The following USP28 variants were observed in gnomAD, a reference collection of about 807,000 sequenced individuals.
USP28 encodes ubiquitin specific peptidase 28, also known as ubiquitin carboxyl-terminal hydrolase 28.
In USP28, 113 loss-of-function variants were observed where a neutral mutation model predicts 145.0. That is an observed-to-expected ratio of 0.78 (90% CI 0.67 to 0.91). USP28 has a LOEUF of 0.91. Ranked by LOEUF, USP28 falls within the 40% of genes least tolerant of loss-of-function variation. The pLI, the probability that USP28 is intolerant of heterozygous loss-of-function variation, is 0.00. For synonymous variants in USP28, 447 were observed against 450.9 expected (o/e 0.99, Z 0.11); for missense variants, 1,201 against 1,289.6 (o/e 0.93, Z 1.05).
chr11:113,817,511 A>G (rs1001259505), intron 13 of USP28, 147 bp downstream of exon 13: 26 of 902,032 alleles, frequency 2.9e-5, no homozygotes, highest in Middle Eastern at 6.7e-4. Flanking sequence ...CCCAAGTGAC[A>G]GTCAGCAAAA....
chr11:113,868,437 A>G (rs150504413), intron 1 of USP28, among the ~76,000 whole-genome samples: 36 of 152,346 alleles, frequency 2.4e-4, no homozygotes, highest in African/African-American at 8.4e-4. Context: ...AAAGTGCTAC[A>G]TAGTCAAGTG....
At chr11:113,840,293 C>G (rs548914983) in intron 5 of USP28, among the ~76,000 whole-genome samples, 36 of 151,908 alleles carry the variant, frequency 2.4e-4, no homozygotes, top group Middle Eastern at 3.4e-3. Context: ...TGTCGCCTAC[C>G]TGGATAGCTA....
chr11:113,804,441 G>A (rs1235104312), intron 21 of USP28, among the ~76,000 whole-genome samples: 1 of 152,164 alleles, frequency 6.6e-6, no homozygotes, highest in Non-Finnish European at 1.5e-5. Context: ...GGCTAAAATA[G>A]GTATTTAAGG....
At chr11:113,844,294 A>G (rs1211114911) in intron 3 of USP28, among the ~76,000 whole-genome samples, 1 of 152,018 alleles carries the variant, frequency 6.6e-6, no homozygotes, top group East Asian at 1.9e-4. Context: ...CAAAAAAATT[A>G]GCCGGGCGTG....
intron 1 of USP28, chr11:113,859,565 T>TTAG: frequency 6.6e-6 from 1 of 151,932 alleles, no homozygotes; most frequent in Non-Finnish European, 1.5e-5. Flanking sequence ...TAGCTAAAGT[T>TTAG]CTTAACAGAA....
intron 5 of USP28, among the ~76,000 whole-genome samples, chr11:113,837,028 C>G (rs1187696808): frequency 2.6e-5 from 4 of 152,182 alleles, no homozygotes; most frequent in Non-Finnish European, 5.9e-5. Context: ...CCTTCCCCAC[C>G]ACAGTGAGGC....
In USP28 at chr11:113,815,681, G is replaced by T. The variant is rs569491364; in HGVS notation, c.1464-299C>A. 2.6e-5 allele frequency among the ~76,000 whole-genome samples: 4 copies of T among 152,196 alleles called. No homozygotes were observed. The South Asian group carries it at 6.2e-4, about 24-fold the overall frequency. Reference sequence around the variant, plus strand: ...ATGAAAATGAATCCAAAGCCAGATCGGCCAGTCTTTAGCTCATGTTCTCTG... The same window carrying T: ...ATGAAAATGAATCCAAAGCCAGATCTGCCAGTCTTTAGCTCATGTTCTCTG... On this transcript the variant is annotated intron_variant, in intron 13 of 24. Coordinates refer to ENST00000003302, the Ensembl canonical transcript of USP28.
chr11:113,868,160 T>G (rs1483079615), intron 1 of USP28, among the ~76,000 whole-genome samples: 1 of 152,190 alleles, frequency 6.6e-6, no homozygotes, highest in African/African-American at 2.4e-5. Context: ...ACCAAAAGCT[T>G]TGACAGCCCT....
At chr11:113,852,523 A>G in exon 3 of USP28, 1 of 1,614,208 alleles carries the variant, frequency 6.2e-7, no homozygotes, top group Non-Finnish European at 8.5e-7. Context: ...CCTTGTTGGC[A>G]GCACTCCCCT....
intron 12 of USP28, 21 bp downstream of exon 12, chr11:113,823,584 A>G (rs2074425708): frequency 6.5e-7 from 1 of 1,530,286 alleles, no homozygotes; most frequent in Non-Finnish European, 9.0e-7. Flanking sequence ...ATTTCTAAGC[A>G]TGAAGGTGTC....
At chr11:113,845,829 C>T (rs912572388) in intron 3 of USP28, among the ~76,000 whole-genome samples, 1 of 152,216 alleles carries the variant, frequency 6.6e-6, no homozygotes, top group Non-Finnish European at 1.5e-5. Flanking sequence ...CCTGCCTCAG[C>T]CTCCCAAAGT....
intron 1 of USP28, among the ~76,000 whole-genome samples, chr11:113,872,261 C>G (rs113045295): frequency 6.6e-6 from 1 of 152,050 alleles, no homozygotes; most frequent in South Asian, 2.1e-4. Flanking sequence ...CCGAGGCGGG[C>G]GGATCATGAG....
intron 7 of USP28, 110 bp downstream of exon 7, chr11:113,833,308 CAT>C: frequency 7.1e-7 from 1 of 1,416,560 alleles, no homozygotes; most frequent in Non-Finnish European, 9.6e-7. Flanking sequence ...AACGAGCATC[CAT>C]AGTCCTGCTT....
At chr11:113,831,294 G>A (rs957649761) in intron 8 of USP28, among the ~76,000 whole-genome samples, 4 of 152,148 alleles carry the variant, frequency 2.6e-5, no homozygotes, top group African/African-American at 7.2e-5. Flanking sequence ...AGGTAAGAAT[G>A]AACTCTGTTG....
chr11:113,805,111 T>C (rs1939716395), intron 19 of USP28, 65 bp from the exon 21 acceptor site: 1 of 1,499,754 alleles, frequency 6.7e-7, no homozygotes, highest in South Asian at 1.2e-5. Flanking sequence ...CAGAAATTGA[T>C]GCCTAGGAGC....
intron 1 of USP28, among the ~76,000 whole-genome samples, chr11:113,866,300 AAAAAG>A (rs764803401): frequency 2.0e-5 from 3 of 152,216 alleles, no homozygotes; most frequent in Non-Finnish European, 4.4e-5. Flanking sequence ...TTGGGGAAAA[AAAAAG>A]AAAAAAGAAA....
At chr11:113,832,547 G>A (rs73011659) in intron 7 of USP28, among the ~76,000 whole-genome samples, 4,171 of 152,204 alleles carry the variant, frequency 0.027, 91 homozygotes, top group Non-Finnish European at 0.04. Context: ...ACTACTTCCA[G>A]CCACATCTAT....
At chr11:113,854,383 A>C (rs772753412) in intron 1 of USP28, 48 bp from the exon 2 acceptor site, 1 of 1,541,362 alleles carries the variant, frequency 6.5e-7, no homozygotes, top group Non-Finnish European at 8.9e-7. Flanking sequence ...TCAGAAAGTA[A>C]ACCTGGGTAC....
chr11:113,803,431 CAA>C (rs1215666523), intron 22 of USP28, 150 bp from the exon 24 acceptor site: 4 of 925,780 alleles, frequency 4.3e-6, no homozygotes, highest in Non-Finnish European at 6.1e-6. Flanking sequence ...ATCTCTTCTA[CAA>C]ATTGGCCTAG....
Sources: allele counts gnomAD v4.1 joint callset (sites outside exome capture counted in the v4.1 genomes callset), GRCh38; gene constraint gnomAD v4.1.1; transcripts MANE v1.5; gene names NCBI Gene and HGNC (gene_info 2026-07-23, HGNC 2026-07-21).